Variants in NCALD observed in about 807,000 individuals in gnomAD.
NCALD encodes neurocalcin-delta.
Under a neutral mutation model 18.6 loss-of-function variants are expected in NCALD, and 10 were observed. The ratio of observed to expected loss-of-function variants is 0.54; its 90% CI spans 0.33 to 0.91. NCALD has a LOEUF of 0.91. Among genes scored for constraint, NCALD ranks in the 40% least tolerant of loss-of-function variants. The pLI is 0.03. For synonymous variants in NCALD, 88 were observed against 87.4 expected, an observed-to-expected ratio of 1.01 and a Z score of -0.04; for missense variants, 184 against 247.6, an observed-to-expected ratio of 0.74 and a Z score of 1.72.
At chr8:102,037,237 A>G (rs1822900159) in intron 1 of NCALD, among the ~76,000 whole-genome samples, 1 of 152,184 alleles carries the variant, frequency 6.6e-6, no homozygotes, top group African/African-American at 2.4e-5. Context: ...AAGTACTATT[A>G]TTGTCCCTAT....
intron 1 of NCALD, among the ~76,000 whole-genome samples, chr8:101,739,797 T>C (rs1444899844): frequency 6.6e-6 from 1 of 152,182 alleles, no homozygotes; most frequent in African/African-American, 2.4e-5. Context: ...GACTGGCTTC[T>C]CTGTTCCTCA....
At chr8:101,904,453 A>G (rs1376219801) in intron 3 of NCALD, among the ~76,000 whole-genome samples, 2 of 152,050 alleles carry the variant, frequency 1.3e-5, no homozygotes, top group Non-Finnish European at 2.9e-5. Flanking sequence ...AAGAGGGAGC[A>G]TCCTTCATGG....
At chr8:101,983,267 AG>A in intron 2 of NCALD, among the ~76,000 whole-genome samples, 1 of 152,256 alleles carries the variant, frequency 6.6e-6, no homozygotes, top group Middle Eastern at 3.4e-3. Context: ...GGCTCATCTC[AG>A]GGGCTCTGCC....
At chr8:101,895,710 T>A (rs2131538700) in intron 3 of NCALD, among the ~76,000 whole-genome samples, 1 of 149,124 alleles carries the variant, frequency 6.7e-6, no homozygotes, top group African/African-American at 2.6e-5. Flanking sequence ...AGCATTCTTA[T>A]ACACCAACAA....
At chr8:101,744,213 C>G (rs1220984900) in intron 1 of NCALD, among the ~76,000 whole-genome samples, 2 of 152,210 alleles carry the variant, frequency 1.3e-5, no homozygotes, top group African/African-American at 4.8e-5. Context: ...CCTCAGTCCC[C>G]TGGTGCTCAT....
chr8:102,120,386 A>C (rs1825911285), intron 1 of NCALD, among the ~76,000 whole-genome samples: 1 of 152,158 alleles, frequency 6.6e-6, no homozygotes, highest in South Asian at 2.1e-4. Flanking sequence ...ACAGGACCCA[A>C]TCAATGCTGA....
At chr8:102,078,918 C>T (rs374569743) in intron 1 of NCALD, among the ~76,000 whole-genome samples, 25 of 152,290 alleles carry the variant, frequency 1.6e-4, no homozygotes, top group South Asian at 4.1e-4. Context: ...GCACTGTAGG[C>T]GCTTATTAAT....
intron 1 of NCALD, among the ~76,000 whole-genome samples, chr8:102,094,340 C>T (rs79868938): frequency 0.061 from 9,349 of 152,228 alleles, 425 homozygotes; most frequent in Non-Finnish European, 0.093. Flanking sequence ...TTGTATAAAT[C>T]GTCTTACGTG....
At chr8:101,902,782 C>T (rs1266535613) in intron 3 of NCALD, among the ~76,000 whole-genome samples, 1 of 152,308 alleles carries the variant, frequency 6.6e-6, no homozygotes, top group South Asian at 2.1e-4. Context: ...TGCTTGCTTA[C>T]CTGGCCTCTG....
chr8:101,700,846 G>A (rs1367617505), intron 2 of NCALD, among the ~76,000 whole-genome samples: 3 of 152,128 alleles, frequency 2.0e-5, no homozygotes, highest in Non-Finnish European at 2.9e-5. Context: ...CAAAATGAAC[G>A]GCGTCCGAAG....
At chr8:102,103,934 T>G (rs532046864) in intron 1 of NCALD, among the ~76,000 whole-genome samples, 1 of 152,180 alleles carries the variant, frequency 6.6e-6, no homozygotes, top group African/African-American at 2.4e-5. Flanking sequence ...TTTGTTCCAA[T>G]GGACATCTGG....
At chr8:101,920,580 A>G (rs1283916421) in intron 2 of NCALD, among the ~76,000 whole-genome samples, 2 of 152,242 alleles carry the variant, frequency 1.3e-5, no homozygotes, top group African/African-American at 4.8e-5. Context: ...CTTTGCAGCA[A>G]CATGGATACA....
intron 4 of NCALD, among the ~76,000 whole-genome samples, chr8:101,807,559 T>C (rs573996377): frequency 5.6e-4 from 86 of 152,258 alleles, no homozygotes; most frequent in Non-Finnish European, 4.7e-4. Flanking sequence ...AACACCTTAT[T>C]AATAGGGTTA....
chr8:101,924,101 G>A (rs1484850920), intron 2 of NCALD, among the ~76,000 whole-genome samples: 1 of 151,840 alleles, frequency 6.6e-6, no homozygotes, highest in Non-Finnish European at 1.5e-5. Context: ...TGATCCCCAG[G>A]GTCTATTGTT....
At chr8:101,831,671 C>T (rs909766296) in intron 4 of NCALD, among the ~76,000 whole-genome samples, 21 of 152,104 alleles carry the variant, frequency 1.4e-4, no homozygotes, top group African/African-American at 4.1e-4. Flanking sequence ...CCCTGAGAAT[C>T]ACCTGCTCAG....
At chr8:101,695,435 C>T (rs1439650544) in intron 2 of NCALD, among the ~76,000 whole-genome samples, 1 of 152,098 alleles carries the variant, frequency 6.6e-6, no homozygotes, top group Non-Finnish European at 1.5e-5. Flanking sequence ...TAGGAGGTGT[C>T]TCCCAGCTCA....
At chr8:102,000,266 C>T (rs531494663) in intron 2 of NCALD, among the ~76,000 whole-genome samples, 29 of 152,278 alleles carry the variant, frequency 1.9e-4, no homozygotes, top group Non-Finnish European at 3.5e-4. Context: ...CCCACGGAGC[C>T]GTGCTCATTG....
intron 1 of NCALD, among the ~76,000 whole-genome samples, chr8:101,737,977 G>C (rs1207774278): frequency 6.6e-6 from 1 of 152,196 alleles, no homozygotes; most frequent in Admixed American, 6.5e-5. Context: ...TAGGTGAATA[G>C]CAAGGTAGCT....
chr8:101,690,724 C>T (rs1814687749), intron 3 of NCALD: 1 of 985,324 alleles, frequency 1.0e-6, no homozygotes, highest in African/African-American at 1.7e-5. Context: ...ATTTGTAGAG[C>T]TGATCCCCTC....
Sources: gnomAD v4.1 joint callset for allele counts (sites outside exome capture counted in the v4.1 genomes callset) on GRCh38, gnomAD v4.1.1 for gene constraint, MANE v1.5 for transcripts, NCBI Gene and HGNC (gene_info 2026-07-23, HGNC 2026-07-21) for gene names.